The following GRM1 variants were observed in gnomAD, a reference collection of about 807,000 sequenced individuals.
GRM1 encodes metabotropic glutamate receptor 1.
In GRM1, 33 loss-of-function variants were observed where a neutral mutation model predicts 90.9. That is an observed-to-expected ratio of 0.36 (90% CI 0.28 to 0.49). The LOEUF is 0.49. GRM1 is among the 20% of genes least tolerant of loss of function. The probability of loss-of-function intolerance (pLI) is 0.99; values close to 1 mark genes in which losing one functional copy is unlikely to be tolerated. For missense variants in GRM1, 1,190 were observed against 1,534.3 expected (o/e 0.78, Z 3.75); for synonymous variants, 700 against 613.2 (o/e 1.14, Z -2.09).
Position 146,170,165 on chromosome 6 carries a change from A to G in GRM1, c.950+10568A>G, listed in dbSNP as rs185288242. Among the ~76,000 whole-genome samples the G allele has an allele frequency of 9.1e-4, 138 of 151,968 alleles. 4 individuals carry two copies. In the South Asian group the frequency reaches 0.019, roughly 21 times the overall value. Reference sequence around the variant, plus strand: ...TATATTACTGTGGTTTTCTTTTTATATGATCAGTGGTTTTTCACTTGCTGT... The same window carrying G: ...TATATTACTGTGGTTTTCTTTTTATGTGATCAGTGGTTTTTCACTTGCTGT... On this transcript the variant is annotated intron_variant, in intron 2 of 7. Transcript: ENST00000282753.
intron 1 of GRM1, among the ~76,000 whole-genome samples, chr6:146,063,699 G>A (rs765340275): frequency 3.3e-5 from 5 of 151,900 alleles, no homozygotes; most frequent in Admixed American, 6.6e-5. Context: ...AGGCTTTTGA[G>A]CACTGAAGCC....
At chr6:146,142,112 C>A (rs1046783078) in intron 1 of GRM1, among the ~76,000 whole-genome samples, 15 of 152,204 alleles carry the variant, frequency 9.9e-5, no homozygotes, top group African/African-American at 3.6e-4. Flanking sequence ...TTAGAGGGCA[C>A]CTCATGCCCA....
At chr6:146,144,934 G>C (rs1339236168) in intron 1 of GRM1, among the ~76,000 whole-genome samples, 2 of 152,214 alleles carry the variant, frequency 1.3e-5, no homozygotes, top group African/African-American at 2.4e-5. Flanking sequence ...TAGGAAACTG[G>C]AGTAAAGGCT....
chr6:146,399,267 A>G lies in GRM1; in HGVS notation c.2228A>G (p.Tyr743Cys). 5.0e-6 allele frequency: 8 copies of G among 1,614,040 alleles called. No homozygotes were observed. Among genetic ancestry groups the G allele is most frequent in the Non-Finnish European group, 5.1e-6 (6 of 1,180,016 alleles). Residue 743 changes from tyrosine (Y) to cysteine (C), a missense_variant, in exon 7 of 8, where the codon TAC becomes TGC. By Grantham distance (194) the Tyr-to-Cys change is radical. This residue lies in a region of GRM1 where 414 missense variants were observed against 598.4 expected (regional missense o/e 0.69). Transcript: ENST00000282753. The surrounding 1 kb of genome is among the most constrained non-coding windows in gnomAD (Gnocchi z 5.4). ...ILSYPSIKEV[Y>C]LICNTSNLGV... ...TCCTACCCAAGTATCAAGGAAGTCT[A>G]CCTTATCTGCAATACCAGCAACCTG...
At chr6:146,106,254 C>A (rs1369504178) in intron 1 of GRM1, among the ~76,000 whole-genome samples, 4 of 152,094 alleles carry the variant, frequency 2.6e-5, no homozygotes, top group Non-Finnish European at 5.9e-5. Context: ...AGGCTTAAAT[C>A]CTGATATAGA....
At chr6:146,268,825 G>C (rs902098278) in intron 2 of GRM1, among the ~76,000 whole-genome samples, 1 of 152,140 alleles carries the variant, frequency 6.6e-6, no homozygotes, top group African/African-American at 2.4e-5. Flanking sequence ...TGAGCAAAGA[G>C]AACAGAGCTG....
At chr6:146,304,468 CA>C (rs959003342) in intron 2 of GRM1, 142 bp from the exon 3 acceptor site, 311 of 672,118 alleles carry the variant, frequency 4.6e-4, no homozygotes, top group Admixed American at 6.2e-4. Flanking sequence ...TACTCTCTAC[CA>C]AAAAAAAAGT....
At chr6:146,118,140 C>CTTTT (rs67033918) in intron 1 of GRM1, among the ~76,000 whole-genome samples, 2 of 115,452 alleles carry the variant, frequency 1.7e-5, no homozygotes, top group Non-Finnish European at 3.5e-5. Context: ...TTCTTCTTTT[C>CTTTT]TTTTTTTTTT....
intron 2 of GRM1, among the ~76,000 whole-genome samples, chr6:146,245,330 G>A (rs9497507): frequency 0.11 from 16,866 of 152,116 alleles, 1,835 homozygotes; most frequent in African/African-American, 0.28. Context: ...AACTGTTCAA[G>A]TACAAACAGT....
intron 1 of GRM1, among the ~76,000 whole-genome samples, chr6:146,032,354 C>A (rs1366830497): frequency 2.6e-5 from 4 of 152,152 alleles, no homozygotes; most frequent in African/African-American, 7.2e-5. Flanking sequence ...CTTGTTTCTT[C>A]TCAAAGGGAA....
chr6:146,281,570 A>C (rs943260756), intron 2 of GRM1, among the ~76,000 whole-genome samples: 1 of 152,196 alleles, frequency 6.6e-6, no homozygotes, highest in African/African-American at 2.4e-5. Context: ...TGTAATTTAG[A>C]TTATAATTAT....
chr6:146,115,871 T>TTTAA (rs1775723881), intron 1 of GRM1, among the ~76,000 whole-genome samples: 1 of 152,218 alleles, frequency 6.6e-6, no homozygotes, highest in Non-Finnish European at 1.5e-5. Flanking sequence ...CAAAATGACA[T>TTTAA]TGATTTTCCT....
chr6:146,085,686 T>C (rs567189609), intron 1 of GRM1, among the ~76,000 whole-genome samples: 1 of 152,288 alleles, frequency 6.6e-6, no homozygotes, highest in East Asian at 1.9e-4. Flanking sequence ...AAAACTTTGC[T>C]ACTTAATCGA....
At position 146,172,343 on chromosome 6, in the gene GRM1, T is replaced by C. The variant is rs4440483; in HGVS notation, c.950+12746T>C. ...ACTGTTAATAAGCATTGTATTTACA[T>C]TGGGCACACCTGTATAACTCAGGAC... On this transcript the variant is annotated intron_variant, in intron 2 of 7. Coordinates refer to ENST00000282753, the MANE Select transcript of GRM1 (RefSeq NM_001278064.2). 9.7e-3 allele frequency among the ~76,000 whole-genome samples: 1,484 copies of C among 152,318 alleles called. 14 individuals carry two copies. The highest frequency in any genetic ancestry group is 0.034 in the African/African-American group (1,428 of 41,552).
intron 2 of GRM1, among the ~76,000 whole-genome samples, chr6:146,162,872 G>A (rs1273504746): frequency 4.6e-5 from 7 of 151,978 alleles, no homozygotes; most frequent in Non-Finnish European, 1.0e-4. Context: ...ATGCCATGAA[G>A]CAATTATATG....
intron 1 of GRM1, among the ~76,000 whole-genome samples, chr6:146,149,546 T>C (rs1201955467): frequency 6.6e-6 from 1 of 152,184 alleles, no homozygotes; most frequent in African/African-American, 2.4e-5. Flanking sequence ...GGATGTGCAT[T>C]ATGACCTCCA....
intron 2 of GRM1, among the ~76,000 whole-genome samples, chr6:146,251,911 T>C (rs1225502961): frequency 6.6e-6 from 1 of 152,190 alleles, no homozygotes; most frequent in East Asian, 1.9e-4. Flanking sequence ...TGAATTGCTC[T>C]TCCTCATATA....
chr6:146,319,975 G>T (rs1784114673), intron 3 of GRM1, among the ~76,000 whole-genome samples: 1 of 151,944 alleles, frequency 6.6e-6, no homozygotes, highest in South Asian at 2.1e-4. Flanking sequence ...TTGCCTTATT[G>T]CCCTGGCCAG....
intron 1 of GRM1, among the ~76,000 whole-genome samples, chr6:146,080,650 C>A (rs1315196503): frequency 1.3e-5 from 2 of 149,720 alleles, no homozygotes; most frequent in African/African-American, 4.9e-5. Flanking sequence ...AGAGAGGATC[C>A]AAGCCTCGTT....
Sources: gnomAD v4.1 joint callset for allele counts (sites outside exome capture counted in the v4.1 genomes callset) on GRCh38, gnomAD v4.1.1 for gene constraint, gnomAD v4.1.1 regional missense constraint, Gnocchi (gnomAD v3.1) non-coding constraint, MANE v1.5 for transcripts, NCBI Gene and HGNC (gene_info 2026-07-23, HGNC 2026-07-21) for gene names.